SCAPER: variants seen among roughly 807,000 people sequenced by gnomAD.
SCAPER encodes S phase cyclin A-associated protein in the endoplasmic reticulum.
Under a neutral mutation model 182.2 loss-of-function variants are expected in SCAPER, and 98 were observed. The ratio of observed to expected loss-of-function variants is 0.54; its 90% confidence interval spans 0.46 to 0.64. The LOEUF is 0.64. Ranked by LOEUF, SCAPER falls within the 30% of genes least tolerant of loss-of-function variation. The pLI, the probability that SCAPER is intolerant of heterozygous loss-of-function variation, is 0.00. For missense variants in SCAPER, 1,432 were observed against 1,690.0 expected (o/e 0.85, Z 2.68); for synonymous variants, 605 against 564.6 (o/e 1.07, Z -1.01).
chr15:76,838,703 T>C (rs1380096384), intron 5 of SCAPER, among the ~76,000 whole-genome samples: 1 of 152,128 alleles, frequency 6.6e-6, no homozygotes, highest in African/African-American at 2.4e-5. Flanking sequence ...TCCCTCCAGA[T>C]TGAAATGGGA....
intron 30 of SCAPER, among the ~76,000 whole-genome samples, chr15:76,353,335 GAGTT>G (rs369412265): frequency 4.0e-4 from 61 of 152,298 alleles, no homozygotes; most frequent in Middle Eastern, 3.4e-3. Context: ...TTCACAGGAT[GAGTT>G]AGTTAGTAGC....
At chr15:76,615,492 GACACAC>G (rs200914871) in intron 22 of SCAPER, among the ~76,000 whole-genome samples, 25,603 of 140,444 alleles carry the variant, frequency 0.18, 2,602 homozygotes, top group East Asian at 0.33. Flanking sequence ...CACACACACA[GACACAC>G]ACACACACAC....
At chr15:76,711,498 C>T (rs1455504088) in intron 17 of SCAPER, among the ~76,000 whole-genome samples, 3 of 152,100 alleles carry the variant, frequency 2.0e-5, no homozygotes, top group Non-Finnish European at 4.4e-5. Context: ...CAAGAAAGAA[C>T]TTGTATATTT....
intron 24 of SCAPER, among the ~76,000 whole-genome samples, chr15:76,473,898 G>A (rs1226277760): frequency 6.6e-6 from 1 of 152,056 alleles, no homozygotes; most frequent in Non-Finnish European, 1.5e-5. Flanking sequence ...TGACTCCTGG[G>A]TTCAAGCTAT....
intron 22 of SCAPER, among the ~76,000 whole-genome samples, chr15:76,616,502 T>C (rs2051497674): frequency 6.6e-6 from 1 of 152,144 alleles, no homozygotes; most frequent in Non-Finnish European, 1.5e-5. Flanking sequence ...TTAATGGGTA[T>C]AGTTATAGTT....
chr15:76,857,927 T>C (rs372359272), intron 3 of SCAPER, 48 bp from the exon 4 acceptor site: 29 of 1,287,876 alleles, frequency 2.3e-5, no homozygotes, highest in East Asian at 1.8e-4. Context: ...GAATGATAGA[T>C]AGTATAAAAT....
intron 23 of SCAPER, among the ~76,000 whole-genome samples, chr15:76,531,774 C>T (rs569308916): frequency 1.3e-4 from 20 of 152,068 alleles, no homozygotes; most frequent in Non-Finnish European, 2.5e-4. Context: ...GTAAAGGTGG[C>T]CTTGAGCATC....
At position 76,472,377 on chromosome 15, in the gene SCAPER, A is replaced by G. The variant is rs1043236684; in HGVS notation, c.2955-1042T>C. On this transcript the variant is annotated intron_variant, in intron 24 of 31. Transcript: ENST00000563290. ...TGGAGATGCCAAGTGAAGCGTGTGCATTTTTGGTGACTGTGTACTTCTGGT... is the reference window on the plus strand; with the variant it reads ...TGGAGATGCCAAGTGAAGCGTGTGCGTTTTTGGTGACTGTGTACTTCTGGT... The G allele has an allele frequency of 5.6e-6, 4 of 714,590 alleles. No homozygotes were observed. The African/African-American group carries it at 7.0e-5, about 13-fold the overall frequency. 44.3% of individuals were successfully genotyped at this position (714,590 alleles called of 1,614,324 possible).
chr15:76,540,518 G>GTC (rs1441169682), intron 23 of SCAPER, among the ~76,000 whole-genome samples: 2 of 151,650 alleles, frequency 1.3e-5, no homozygotes, highest in African/African-American at 4.9e-5. Flanking sequence ...ATATATACAC[G>GTC]TCTATATTTT....
intron 26 of SCAPER, among the ~76,000 whole-genome samples, chr15:76,428,531 G>A (rs1439281893): frequency 2.0e-5 from 3 of 152,060 alleles, no homozygotes; most frequent in Admixed American, 6.5e-5. Context: ...AGGCACAGAA[G>A]GACAAATATT....
At chr15:76,572,940 C>CACACACACACAT (rs1435829661) in intron 23 of SCAPER, among the ~76,000 whole-genome samples, 1 of 151,496 alleles carries the variant, frequency 6.6e-6, no homozygotes, top group African/African-American at 2.4e-5. Context: ...CACACACACA[C>CACACACACACAT]ACACAGAGAA....
rs114267642 is a variant in SCAPER, at chr15:76,473,186, C to T, written c.2955-1851G>A. On this transcript the variant is annotated intron_variant, in intron 24 of 31. Transcript: ENST00000563290. Reference sequence around the variant, plus strand: ...AATGTCAACCCTCACTCTAAACTCTCCCTGTTCAGGGCATAAAATGAAGAC... The same window carrying T: ...AATGTCAACCCTCACTCTAAACTCTTCCTGTTCAGGGCATAAAATGAAGAC... Among the ~76,000 whole-genome samples the T allele has an allele frequency of 2.5e-3, 381 of 152,330 alleles. 1 individual carries two copies. Among genetic ancestry groups the T allele is most frequent in the African/African-American group, 8.8e-3 (365 of 41,572 alleles).
At chr15:76,792,183 T>C (rs1275334244) in intron 8 of SCAPER, among the ~76,000 whole-genome samples, 1 of 151,890 alleles carries the variant, frequency 6.6e-6, no homozygotes, top group African/African-American at 2.4e-5. Flanking sequence ...GAAATTCAGA[T>C]ATAAAGGTAA....
At chr15:76,813,249 A>AC (rs57686017) in intron 5 of SCAPER, among the ~76,000 whole-genome samples, 6,868 of 60,170 alleles carry the variant, frequency 0.11, 792 homozygotes, top group African/African-American at 0.23. Context: ...AAAAAAAAAA[A>AC]AAAAAACAAC....
intron 1 of SCAPER, among the ~76,000 whole-genome samples, chr15:76,890,592 C>T (rs2074108830): frequency 6.6e-6 from 1 of 152,150 alleles, no homozygotes; most frequent in Admixed American, 6.5e-5. Flanking sequence ...TTCCTGGACA[C>T]ATACACCTTC....
Position 76,873,331 on chromosome 15 carries a change from A to AAGGC in SCAPER, c.6+10477_6+10480dup, listed in dbSNP as rs56176862. Among the ~76,000 whole-genome samples, 300 of 83,740 alleles carry AAGGC rather than the reference A, an allele frequency of 3.6e-3. 3 individuals carry two copies. The highest frequency in any genetic ancestry group is 4.0e-3 in the Non-Finnish European group (157 of 39,662). 54.9% of individuals were successfully genotyped at this position (83,740 alleles called of 152,430 possible). On this transcript the variant is annotated intron_variant, in intron 2 of 31. Coordinates refer to ENST00000563290, the MANE Select transcript of SCAPER (RefSeq NM_020843.4). The stretch of plus-strand genomic sequence containing the variant: ...GAAGGAAGGAAGGAAGGAAGGAAGG[A>AAGGC]AGGCAGGCAGGCAGGCAGGCAGGCA...
At chr15:76,418,182 A>C (rs551900448) in intron 26 of SCAPER, among the ~76,000 whole-genome samples, 1 of 152,198 alleles carries the variant, frequency 6.6e-6, no homozygotes, top group African/African-American at 2.4e-5. Context: ...TACATTGGAT[A>C]ATACTAGAGG....
At chr15:76,601,075 C>A (rs539509762) in intron 22 of SCAPER, among the ~76,000 whole-genome samples, 1 of 121,664 alleles carries the variant, frequency 8.2e-6, no homozygotes, top group African/African-American at 2.5e-5. Context: ...TGTGGATACA[C>A]AGAATAGAAA....
chr15:76,665,732 C>T lies in SCAPER; in HGVS notation c.2566G>A (p.Ala856Thr). 6.4e-7 allele frequency: 1 copy of T among 1,558,454 alleles called. No homozygotes were observed. Among genetic ancestry groups the T allele is most frequent in the Non-Finnish European group, 8.7e-7 (1 of 1,151,046 alleles). Residue 856 changes from alanine (A) to threonine (T), a missense_variant, in exon 21 of 32, where the codon GCA (alanine) becomes ACA (threonine). Ala to Thr is a moderately conservative substitution (Grantham distance 58). Around this residue, in one of 5 missense-constraint regions of SCAPER, gnomAD observed 718 missense variants for 799.7 expected, o/e 0.90. Coordinates refer to ENST00000563290, the MANE Select transcript of SCAPER (RefSeq NM_020843.4). ...IDIVVESTAP[A>T]EALKDGEERQ... ...TCTTCTCCATCTTTCAAAGCTTCTG[C>T]TGGAGCTGTACTTTCAACCACAATG...
Sources: gnomAD v4.1 joint callset for allele counts (sites outside exome capture counted in the v4.1 genomes callset) on GRCh38, gnomAD v4.1.1 for gene constraint, gnomAD v4.1.1 regional missense constraint, MANE v1.5 for transcripts, NCBI Gene and HGNC (gene_info 2026-07-23, HGNC 2026-07-21) for gene names.